FBXW7: variants seen among roughly 807,000 people sequenced by gnomAD.
FBXW7 encodes the protein F-box and WD repeat domain containing 7.
FBXW7 carries 11 observed loss-of-function variants against 86.3 expected under a neutral mutation model. The ratio of observed to expected loss-of-function variants is 0.13; its 90% CI spans 0.08 to 0.21. The LOEUF (loss-of-function observed/expected upper bound fraction) is 0.21, where lower values mean the gene tolerates loss of function less well. FBXW7 is among the 10% of genes least tolerant of loss of function. The pLI is 1.00. For missense variants in FBXW7, 488 were observed against 847.4 expected, an observed-to-expected ratio of 0.58 and a Z score of 5.27; for synonymous variants, 313 against 297.9, an observed-to-expected ratio of 1.05 and a Z score of -0.52.
intron 6 of FBXW7, among the ~76,000 whole-genome samples, chr4:152,338,938 A>G (rs1469010681): frequency 6.6e-6 from 1 of 152,138 alleles, no homozygotes; most frequent in Non-Finnish European, 1.5e-5. Flanking sequence ...TTGCCATTCC[A>G]TTTCTTGTCC....
intron 2 of FBXW7, among the ~76,000 whole-genome samples, chr4:152,439,487 G>A (rs1485729986): frequency 1.3e-5 from 2 of 152,030 alleles, no homozygotes; most frequent in Admixed American, 6.6e-5. Flanking sequence ...CTCAGAAACC[G>A]ATTTTCAGGG....
chr4:152,493,551 C>T (rs1746053870), intron 2 of FBXW7, among the ~76,000 whole-genome samples: 1 of 152,162 alleles, frequency 6.6e-6, no homozygotes, highest in African/African-American at 2.4e-5. Context: ...GAAGCCCTAA[C>T]CCCCAGTACG....
intron 2 of FBXW7, among the ~76,000 whole-genome samples, chr4:152,527,425 C>T (rs1749613753): frequency 6.6e-6 from 1 of 152,154 alleles, no homozygotes; most frequent in African/African-American, 2.4e-5. Context: ...TATATTACCC[C>T]TCATTCACCC....
intron 4 of FBXW7, among the ~76,000 whole-genome samples, chr4:152,381,093 C>T (rs1180737524): frequency 6.6e-6 from 1 of 152,006 alleles, no homozygotes; most frequent in Non-Finnish European, 1.5e-5. Flanking sequence ...ATTTTAACCT[C>T]ATGTAAAAGT....
intron 2 of FBXW7, among the ~76,000 whole-genome samples, chr4:152,505,744 T>C (rs1396387567): frequency 9.2e-6 from 1 of 108,890 alleles, no homozygotes; most frequent in African/African-American, 3.4e-5. Flanking sequence ...TGTTTTGCAA[T>C]TTTTTTTTTT....
intron 2 of FBXW7, among the ~76,000 whole-genome samples, chr4:152,501,905 C>A (rs1746990323): frequency 6.6e-6 from 1 of 152,074 alleles, no homozygotes; most frequent in Admixed American, 6.5e-5. Context: ...CTGATTAAAT[C>A]CTTTTATCCA....
chr4:152,407,213 C>T (rs1475950699), intron 4 of FBXW7, among the ~76,000 whole-genome samples: 1 of 152,048 alleles, frequency 6.6e-6, no homozygotes, highest in Non-Finnish European at 1.5e-5. Context: ...CCCATCTCAC[C>T]CATTGTCCCC....
chr4:152,477,725 C>G (rs1469013996), intron 2 of FBXW7, among the ~76,000 whole-genome samples: 1 of 152,060 alleles, frequency 6.6e-6, no homozygotes, highest in Non-Finnish European at 1.5e-5. Flanking sequence ...TTGAGCTCTT[C>G]TTTTTCTGTG....
intron 2 of FBXW7, among the ~76,000 whole-genome samples, chr4:152,525,582 T>C (rs960614618): frequency 6.6e-6 from 1 of 152,258 alleles, no homozygotes; most frequent in African/African-American, 2.4e-5. Context: ...ATTAGTGTGC[T>C]ACGGATAATA....
At chr4:152,385,753 T>C (rs550739520) in intron 4 of FBXW7, among the ~76,000 whole-genome samples, 1 of 152,196 alleles carries the variant, frequency 6.6e-6, no homozygotes, top group Non-Finnish European at 1.5e-5. Flanking sequence ...TTATTATTTT[T>C]TTAAATCAGT....
intron 2 of FBXW7, among the ~76,000 whole-genome samples, chr4:152,512,482 C>G (rs1748067490): frequency 6.6e-6 from 1 of 152,126 alleles, no homozygotes; most frequent in African/African-American, 2.4e-5. Flanking sequence ...TCTCAAAAAG[C>G]AGAAACAACC....
At chr4:152,419,385 A>T (rs1738735588) in intron 2 of FBXW7, among the ~76,000 whole-genome samples, 1 of 151,982 alleles carries the variant, frequency 6.6e-6, no homozygotes, top group Non-Finnish European at 1.5e-5. Flanking sequence ...AGTGATTTAA[A>T]CATCATTTTC....
At chr4:152,505,488 T>C (rs1747334894) in intron 2 of FBXW7, among the ~76,000 whole-genome samples, 1 of 152,218 alleles carries the variant, frequency 6.6e-6, no homozygotes, top group African/African-American at 2.4e-5. Flanking sequence ...TTTCCTTATA[T>C]CCTTATTTTA....
At chr4:152,443,836 G>C (rs1385320299) in intron 2 of FBXW7, among the ~76,000 whole-genome samples, 5 of 152,120 alleles carry the variant, frequency 3.3e-5, no homozygotes, top group Admixed American at 3.3e-4. Flanking sequence ...GAGAAAGTTT[G>C]CAACTGTTCC....
At chr4:152,403,285 C>G (rs1264655119) in intron 4 of FBXW7, among the ~76,000 whole-genome samples, 1 of 152,046 alleles carries the variant, frequency 6.6e-6, no homozygotes, top group East Asian at 1.9e-4. Flanking sequence ...CGAGGCCAGC[C>G]TGGCCAACAT....
intron 2 of FBXW7, among the ~76,000 whole-genome samples, chr4:152,437,004 A>G (rs563760648): frequency 6.6e-6 from 1 of 152,198 alleles, no homozygotes; most frequent in East Asian, 1.9e-4. Flanking sequence ...CAGCCCATTA[A>G]TCAAGGGTCA....
intron 4 of FBXW7, chr4:152,352,540 GTGCCCCCGTGTGTCCGGC>G: frequency 1.9e-6 from 3 of 1,613,814 alleles, no homozygotes; most frequent in Non-Finnish European, 2.5e-6. Flanking sequence ...CAGTGATTCT[GTGCCCCCGTGTGTCCGGC>G]TGCTTGGCAG....
chr4:152,385,748 A>T (rs1223465970), intron 4 of FBXW7, among the ~76,000 whole-genome samples: 1 of 152,148 alleles, frequency 6.6e-6, no homozygotes. Context: ...TTCAATTATT[A>T]TTTTTTTAAA....
Position 152,347,075 on chromosome 4 carries a change from CAAA to C in FBXW7, c.585-7_585-5del, listed in dbSNP as rs745908066. 4.0e-4 allele frequency: 504 copies of C among 1,275,148 alleles called. No homozygotes were observed. Among genetic ancestry groups the C allele is most frequent in the Admixed American group, 1.0e-3 (32 of 30,808 alleles). 79.0% of individuals were successfully genotyped at this position (1,275,148 alleles called of 1,614,324 possible). A position where few individuals can be genotyped will look rare whatever the true frequency, so the allele number is the denominator to read the frequency against. On this transcript the variant is annotated splice_polypyrimidine_tract_variant and splice_region_variant and intron_variant, in intron 5 of 13. Coordinates refer to ENST00000281708, the MANE Select transcript of FBXW7 (RefSeq NM_001349798.2). Reference sequence around the variant, plus strand: ...ACATGGTACAAGCCCAGTGGTACTACAAAAAAAAAAAAAAGAGAGAGAGAAAGG... The same window carrying C: ...ACATGGTACAAGCCCAGTGGTACTACAAAAAAAAAAAGAGAGAGAGAAAGG...
Sources: gnomAD v4.1 joint callset for allele counts (sites outside exome capture counted in the v4.1 genomes callset) on GRCh38, gnomAD v4.1.1 for gene constraint, MANE v1.5 for transcripts, NCBI Gene and HGNC (gene_info 2026-07-23, HGNC 2026-07-21) for gene names.